Variants in NLRC4 observed in about 807,000 individuals in gnomAD.
NLRC4 encodes NLR family CARD domain containing 4.
NLRC4 carries 63 observed loss-of-function variants against 79.9 expected under a neutral mutation model. The observed-to-expected ratio is 0.79, with a 90% CI of 0.64 to 0.97. The LOEUF is 0.97. Among genes scored for constraint, NLRC4 ranks in the 50% least tolerant of loss-of-function variants. NLRC4 has a pLI of 0.00. For missense variants in NLRC4, 1,074 were observed against 1,215.2 expected (o/e 0.88, Z 1.73); for synonymous variants, 461 against 456.5 (o/e 1.01, Z -0.12).
At chr2:32,258,161 C>T (rs1166718483) in intron 1 of NLRC4, among the ~76,000 whole-genome samples, 1 of 152,168 alleles carries the variant, frequency 6.6e-6, no homozygotes, top group Admixed American at 6.5e-5. Context: ...CAACTCTTCT[C>T]CAACCCTCCA....
At chr2:32,225,876 T>G (rs1335446880) in intron 8 of NLRC4, among the ~76,000 whole-genome samples, 3 of 152,218 alleles carry the variant, frequency 2.0e-5, no homozygotes, top group African/African-American at 7.2e-5. Flanking sequence ...GAGGGTTAAT[T>G]TGTTGTATAT....
chr2:32,234,905 C>G (rs1005535978), intron 8 of NLRC4, among the ~76,000 whole-genome samples: 1 of 152,228 alleles, frequency 6.6e-6, no homozygotes, highest in Non-Finnish European at 1.5e-5. Flanking sequence ...AAAACTAATA[C>G]AGATAGTATG....
intron 8 of NLRC4, among the ~76,000 whole-genome samples, chr2:32,231,327 T>G (rs1193236525): frequency 6.6e-6 from 1 of 151,830 alleles, no homozygotes; most frequent in Non-Finnish European, 1.5e-5. Context: ...GCTAATTTTT[T>G]TGTATTTTTA....
chr2:32,254,170 C>T (rs1041284693), intron 2 of NLRC4, among the ~76,000 whole-genome samples: 3 of 151,884 alleles, frequency 2.0e-5, no homozygotes, highest in Admixed American at 6.6e-5. Flanking sequence ...ATCACAGTAA[C>T]AACCAGCTCC....
At chr2:32,256,202 C>T (rs1687205314) in intron 2 of NLRC4, among the ~76,000 whole-genome samples, 1 of 152,030 alleles carries the variant, frequency 6.6e-6, no homozygotes, top group Non-Finnish European at 1.5e-5. Flanking sequence ...TAGACCAATG[C>T]TTTTCAATAG....
At chr2:32,224,904 A>G (rs1342262668) in intron 8 of NLRC4, 139 bp from the exon 9 acceptor site, 1 of 555,822 alleles carries the variant, frequency 1.8e-6, no homozygotes, top group African/African-American at 1.9e-5. Flanking sequence ...CCTCAGAAAG[A>G]AATTATTAAT....
chr2:32,225,450 C>G, intron 8 of NLRC4, among the ~76,000 whole-genome samples: 1 of 149,596 alleles, frequency 6.7e-6, no homozygotes, highest in Non-Finnish European at 1.5e-5. Flanking sequence ...TGTGTGTATA[C>G]ATACACAAAT....
chr2:32,242,841 G>A (rs533940855), intron 4 of NLRC4, among the ~76,000 whole-genome samples: 57 of 152,182 alleles, frequency 3.7e-4, no homozygotes, highest in Non-Finnish European at 5.0e-4. Context: ...GAGGCCAGGA[G>A]TTTGAGACCA....
At chr2:32,225,190 T>C (rs1217948721) in intron 8 of NLRC4, among the ~76,000 whole-genome samples, 1 of 152,206 alleles carries the variant, frequency 6.6e-6, no homozygotes, top group Admixed American at 6.5e-5. Context: ...TCTATGGGTA[T>C]GTTCCTAACT....
intron 4 of NLRC4, 60 bp from the exon 5 acceptor site, chr2:32,241,185 T>C: frequency 1.0e-6 from 1 of 989,366 alleles, no homozygotes; most frequent in Non-Finnish European, 1.6e-6. Flanking sequence ...CTATGTCATT[T>C]ACTATTACTG....
At chr2:32,236,926 C>T (rs1374852126) in intron 6 of NLRC4, among the ~76,000 whole-genome samples, 1 of 152,118 alleles carries the variant, frequency 6.6e-6, no homozygotes, top group Non-Finnish European at 1.5e-5. Context: ...TACATTAAAT[C>T]TTAATGGACT....
Position 32,235,534 on chromosome 2 carries a change from T to G in NLRC4, c.2649A>C (p.Ala883=), listed in dbSNP as rs752785896. ...CGTCACAGCCCCAGGGCAGCATCAG[T>G]GCGGTGAGCTGTTCTAGCACGTTCA... is the stretch of plus-strand genomic sequence containing the variant. ...DRMNVLEQLT[A]LMLPWGCDVQ... The change falls in exon 8 of 9, where the codon GCA becomes GCC. Residue 883 remains alanine, a synonymous_variant. Transcript: ENST00000402280. 6.2e-7 allele frequency: 1 copy of G among 1,614,066 alleles called. No homozygotes were observed. The highest frequency in any genetic ancestry group is 8.5e-7 in the Non-Finnish European group (1 of 1,180,030).
intron 8 of NLRC4, among the ~76,000 whole-genome samples, chr2:32,230,426 A>G (rs1686504739): frequency 6.6e-6 from 1 of 150,938 alleles, no homozygotes; most frequent in South Asian, 2.1e-4. Context: ...TGGCCTCTCA[A>G]ACTGCTGGGA....
At chr2:32,255,865 T>A (rs1687196019) in intron 2 of NLRC4, among the ~76,000 whole-genome samples, 1 of 151,732 alleles carries the variant, frequency 6.6e-6, no homozygotes, top group Non-Finnish European at 1.5e-5. Context: ...ATACAAAAAA[T>A]TAGCTGGGCA....
At chr2:32,242,283 GAAAA>G (rs1558452208) in intron 4 of NLRC4, among the ~76,000 whole-genome samples, 1 of 151,680 alleles carries the variant, frequency 6.6e-6, no homozygotes, top group East Asian at 1.9e-4. Context: ...GACTGACAAA[GAAAA>G]AGAAGACAAA....
rs1558442208 is a variant in NLRC4 at position 32,224,750 on chromosome 2, T to C, written c.2798A>G (p.Lys933Arg). ...CTGCTGGAAGTTTTTCAGAGGGTTC[T>C]TTCCAAAAAATGCACCTGGGTAAAG... is the stretch of plus-strand genomic sequence containing the variant. ...EIRILGAFFG[K>R]NPLKNFQQLN... Residue 933 changes from lysine (K) to arginine (R), a missense_variant, in exon 9 of 9, where the codon AAG (lysine) becomes AGG (arginine). Lys to Arg is a conservative substitution (Grantham distance 26, BLOSUM62 2). Coordinates refer to ENST00000402280, the MANE Select transcript of NLRC4 (RefSeq NM_001199138.2). 2.5e-6 allele frequency: 4 copies of C among 1,575,214 alleles called. No homozygotes were observed. The highest frequency in any genetic ancestry group is 3.4e-6 in the Non-Finnish European group (4 of 1,163,494).
At chr2:32,257,434 C>A (rs1429629811) in intron 1 of NLRC4, among the ~76,000 whole-genome samples, 1 of 151,976 alleles carries the variant, frequency 6.6e-6, no homozygotes, top group East Asian at 1.9e-4. Context: ...ATGGTGAATC[C>A]TGTCTCTATT....
At chr2:32,245,658 G>A (rs1188152073) in intron 4 of NLRC4, among the ~76,000 whole-genome samples, 1 of 152,138 alleles carries the variant, frequency 6.6e-6, no homozygotes, top group African/African-American at 2.4e-5. Context: ...TGGTTGAAGG[G>A]ATGGATACTC....
In NLRC4 at chr2:32,249,923, C is replaced by A. The variant is rs1251654234; in HGVS notation, c.1941G>T (p.Arg647Ser). The A allele has an allele frequency of 6.2e-7, 1 of 1,614,192 alleles. No individual in the cohort carries two copies. Among genetic ancestry groups the A allele is most frequent in the Non-Finnish European group, 8.5e-7 (1 of 1,180,040 alleles). ...TCCAGTTGAAGAACAAAGATACAGC[C>A]CTGCTGGGAATGTAGGTTTCTGGGG... ...EEAPETYIPS[R>S]AVSLFFNWKQ... Residue 647 changes from arginine (R) to serine (S), a missense_variant, in exon 4 of 9, where the codon AGG becomes AGT. By Grantham distance (110) the Arg-to-Ser change is moderately radical. Coordinates refer to ENST00000402280, the MANE Select transcript of NLRC4 (RefSeq NM_001199138.2).
Sources: allele counts gnomAD v4.1 joint callset (sites outside exome capture counted in the v4.1 genomes callset), GRCh38; gene constraint gnomAD v4.1.1; transcripts MANE v1.5; gene names NCBI Gene and HGNC (gene_info 2026-07-23, HGNC 2026-07-21).